TMEM201: variants seen among roughly 807,000 people sequenced by gnomAD.
TMEM201 encodes RP13-15M17.2.
A neutral mutation model predicts 63.4 loss-of-function variants in TMEM201; 26 were observed. The ratio of observed to expected loss-of-function variants is 0.41; its 90% confidence interval spans 0.30 to 0.57. The LOEUF is 0.57. Ranked by LOEUF, TMEM201 falls within the 20% of genes least tolerant of loss-of-function variation. TMEM201 has a pLI of 0.29. For synonymous variants in TMEM201, 417 were observed against 421.6 expected, an observed-to-expected ratio of 0.99 and a Z score of 0.14; for missense variants, 794 against 917.7, an observed-to-expected ratio of 0.87 and a Z score of 1.74.
rs1644305097 is a variant in TMEM201 at position 9,610,390 on chromosome 1, T to C, written c.1466-116T>C. The C allele has an allele frequency of 3.6e-6, 4 of 1,105,864 alleles. No individual in the cohort carries two copies. In the South Asian group the frequency reaches 6.6e-5, roughly 18 times the overall value. 68.5% of individuals were successfully genotyped at this position (1,105,864 alleles called of 1,614,324 possible). The stretch of plus-strand genomic sequence containing the variant: ...AGGACTTCCCCCTGTCCCCAGTCTC[T>C]GCACCTTTCCTGTCTTCCCGGGTTA... On this transcript the variant is annotated intron_variant, in intron 8 of 10. Coordinates refer to ENST00000340381, the MANE Select transcript of TMEM201 (RefSeq NM_001130924.3). This position sits in a 1 kb window ranked among gnomAD's most constrained non-coding sequence, Gnocchi z 4.9.
intron 7 of TMEM201, 38 bp from the exon 8 acceptor site, chr1:9,609,802 A>G: frequency 6.5e-7 from 1 of 1,542,188 alleles, no homozygotes; most frequent in Non-Finnish European, 8.8e-7. Flanking sequence ...CACGTCATCC[A>G]CAGGCCTGAC....
chr1:9,604,596 G>A lies in TMEM201; in HGVS notation c.1160+2324G>A. 1.0e-6 allele frequency: 1 copy of A among 985,466 alleles called. No individual in the cohort carries two copies. Among genetic ancestry groups the A allele is most frequent in the Non-Finnish European group, 1.2e-6 (1 of 829,924 alleles). The allele number at this position is 985,466 out of a possible 1,614,324, so 61.0% of individuals were successfully genotyped here. On this transcript the variant is annotated intron_variant, in intron 6 of 10. Transcript: ENST00000340381. The surrounding 1 kb of genome is among the most constrained non-coding windows in gnomAD (Gnocchi z 4.1). ...TGGCCATCAGACCTTCTAGGGTCTG[G>A]CTGGGGTCATCCTAGGTATGGGTGA...
In TMEM201 at chr1:9,614,228, TG is replaced by T. The variant is rs1425568041; in HGVS notation, c.*1149del. On this transcript the variant is annotated 3_prime_UTR_variant, in exon 11 of 11. Transcript: ENST00000340381. Reference sequence around the variant, plus strand: ...TCTCGGTGGATTCTGAGACTCACTGTGGGGCGGGAAGAAGGGTCTTCACTCT... The same window carrying T: ...TCTCGGTGGATTCTGAGACTCACTGTGGGCGGGAAGAAGGGTCTTCACTCT... 3 of 151,260 alleles carry T rather than the reference TG, an allele frequency of 2.0e-5. No homozygotes were observed. The East Asian group carries it at 5.9e-4, about 30-fold the overall frequency. 9.4% of individuals were successfully genotyped at this position (151,260 alleles called of 1,614,324 possible).
rs1644201364 is a variant in TMEM201, at chr1:9,604,185, C to T, written c.1160+1913C>T. ...AGTGTTGACAGTGTGATGCTAATGT[C>T]TGCTTTTCTTGGCGTTGGGTAGAAG... On this transcript the variant is annotated intron_variant, in intron 6 of 10. Transcript: ENST00000340381. The surrounding 1 kb of genome is among the most constrained non-coding windows in gnomAD (Gnocchi z 4.1). 6 of 985,450 alleles carry T rather than the reference C, an allele frequency of 6.1e-6. No individual in the cohort carries two copies. In the South Asian group the frequency reaches 2.3e-4, roughly 39 times the overall value. 61.0% of individuals were successfully genotyped at this position (985,450 alleles called of 1,614,324 possible).
intron 10 of TMEM201, among the ~76,000 whole-genome samples, chr1:9,612,497 G>A (rs1569968050): frequency 6.6e-6 from 1 of 152,218 alleles, no homozygotes; most frequent in Non-Finnish European, 1.5e-5. Flanking sequence ...GGCTTTTCCT[G>A]GGCAGGTCAT....
intron 8 of TMEM201, 51 bp downstream of exon 8, chr1:9,609,962 C>A: frequency 6.6e-7 from 1 of 1,514,230 alleles, no homozygotes; most frequent in South Asian, 1.2e-5. Flanking sequence ...GAAGCCCGGG[C>A]GTTCCAGAGC....
intron 10 of TMEM201, among the ~76,000 whole-genome samples, chr1:9,612,412 T>C (rs565053406): frequency 1.3e-5 from 2 of 152,254 alleles, no homozygotes; most frequent in East Asian, 3.9e-4. Context: ...AGACCAGATC[T>C]GTGGTACACA....
In TMEM201 at chr1:9,609,980, T is replaced by C. The variant is rs1034271285; in HGVS notation, c.1465+69T>C. ...GCCCGGGCGTTCCAGAGCATGGTGG[T>C]TTGTGTGAGCTTTGGGGTCAGACAG... On this transcript the variant is annotated intron_variant, in intron 8 of 10. Coordinates refer to ENST00000340381, the MANE Select transcript of TMEM201 (RefSeq NM_001130924.3). 4.1e-6 allele frequency: 6 copies of C among 1,472,344 alleles called. No homozygotes were observed. In the African/African-American group the frequency reaches 7.0e-5, roughly 17 times the overall value. The allele number at this position is 1,472,344 out of a possible 1,614,324, so 91.2% of individuals were successfully genotyped here.
chr1:9,595,576 C>A (rs962280730), intron 1 of TMEM201, among the ~76,000 whole-genome samples: 2 of 152,046 alleles, frequency 1.3e-5, no homozygotes, highest in South Asian at 4.1e-4. Context: ...GGTCCCCGTG[C>A]GGCCGCACTG....
rs1557563509 is a variant in TMEM201 at position 9,610,824 on chromosome 1, C to T, written c.1765+19C>T. The T allele has an allele frequency of 2.0e-6, 3 of 1,520,008 alleles. No individual in the cohort carries two copies. Among genetic ancestry groups the T allele is most frequent in the Non-Finnish European group, 2.7e-6 (3 of 1,128,480 alleles). The allele number at this position is 1,520,008 out of a possible 1,614,324, so 94.2% of individuals were successfully genotyped here. On this transcript the variant is annotated intron_variant, in intron 9 of 10. Coordinates refer to ENST00000340381, the MANE Select transcript of TMEM201 (RefSeq NM_001130924.3). The surrounding 1 kb of genome is among the most constrained non-coding windows in gnomAD (Gnocchi z 4.9). ...GCCCTGGGTACGGCCTTCTGACCAC[C>T]CCAAGGGGCCGTGGGAGGGCCTCTG...
chr1:9,613,154 C>A lies in TMEM201; in HGVS notation c.*71C>A. On this transcript the variant is annotated 3_prime_UTR_variant, in exon 11 of 11. Transcript: ENST00000340381. ...CTTCACCACTGCCGGCCTCAGGACC[C>A]TCCCTGGAGGGGCTGCCACCTCTGC... is the stretch of plus-strand genomic sequence containing the variant. The A allele has an allele frequency of 6.8e-7, 1 of 1,467,884 alleles. No individual in the cohort carries two copies. Among genetic ancestry groups the A allele is most frequent in the Non-Finnish European group, 9.3e-7 (1 of 1,081,000 alleles). The allele number at this position is 1,467,884 out of a possible 1,614,324, so 90.9% of individuals were successfully genotyped here.
At chr1:9,594,108 C>G (rs1482843201) in intron 1 of TMEM201, among the ~76,000 whole-genome samples, 1 of 152,246 alleles carries the variant, frequency 6.6e-6, no homozygotes, top group Non-Finnish European at 1.5e-5. Context: ...TCACAGTGGC[C>G]TCTCCTGGGG....
Position 9,598,586 on chromosome 1 carries a change from C to T in TMEM201, c.567C>T (p.His189=). 1.9e-6 allele frequency: 3 copies of T among 1,613,496 alleles called. No individual in the cohort carries two copies. Among genetic ancestry groups the T allele is most frequent in the Non-Finnish European group, 2.5e-6 (3 of 1,179,988 alleles). ...NRQLRALLLS[H]QFKRREADQT... ...AGCTGCGCGCCCTGTTGCTCAGCCA[C>T]CAGTTCAAGCGCCGGGAGGCCGACC... The change falls in exon 4 of 11, where the codon CAC becomes CAT. Residue 189 remains histidine, a synonymous_variant. Transcript: ENST00000340381.
rs1261554345 is a variant in TMEM201, at chr1:9,605,022, T to TG, written c.1161-2532dup. 3.0e-6 allele frequency: 3 copies of TG among 985,502 alleles called. No homozygotes were observed. The African/African-American group carries it at 5.2e-5, about 17-fold the overall frequency. 61.0% of individuals were successfully genotyped at this position (985,502 alleles called of 1,614,324 possible). A position where few individuals can be genotyped will look rare whatever the true frequency, so the allele number is the denominator to read the frequency against. The stretch of plus-strand genomic sequence containing the variant: ...GAAGGGCTCTGTGCCAGGGCTGGGG[T>TG]GGGCAGCTGTGTTTGGGGTACAGAC... On this transcript the variant is annotated intron_variant, in intron 6 of 10. Coordinates refer to ENST00000340381, the MANE Select transcript of TMEM201 (RefSeq NM_001130924.3). This position sits in a 1 kb window ranked among gnomAD's most constrained non-coding sequence, Gnocchi z 5.7.
Position 9,598,553 on chromosome 1 carries a change from G to T in TMEM201, c.534G>T (p.Gln178His). ...QAAVEYYIKH[Q>H]NRQLRALLLS... ...CTGTGGAGTACTACATCAAGCACCA[G>T]AACCGCCAGCTGCGCGCCCTGTTGC... The change falls in exon 4 of 11, where the codon CAG becomes CAT. Residue 178 changes from glutamine to histidine, a missense_variant. Transcript: ENST00000340381. 6.2e-7 allele frequency: 1 copy of T among 1,613,758 alleles called. No individual in the cohort carries two copies. The highest frequency in any genetic ancestry group is 8.5e-7 in the Non-Finnish European group (1 of 1,180,026).
At chr1:9,597,306 G>A (rs1644044141) in intron 3 of TMEM201, among the ~76,000 whole-genome samples, 1 of 152,232 alleles carries the variant, frequency 6.6e-6, no homozygotes, top group Non-Finnish European at 1.5e-5. Context: ...CACTGCTATC[G>A]GGGTTCCAAG....
In TMEM201 at chr1:9,607,511, C is replaced by T. The variant is rs749847747; in HGVS notation, c.1161-46C>T. The T allele has an allele frequency of 1.4e-5, 20 of 1,473,082 alleles. No homozygotes were observed. The highest frequency in any genetic ancestry group is 1.8e-5 in the Non-Finnish European group (20 of 1,091,988). 91.3% of individuals were successfully genotyped at this position (1,473,082 alleles called of 1,614,324 possible). A position where few individuals can be genotyped will look rare whatever the true frequency, so the allele number is the denominator to read the frequency against. On this transcript the variant is annotated intron_variant, in intron 6 of 10. Coordinates refer to ENST00000340381, the MANE Select transcript of TMEM201 (RefSeq NM_001130924.3). The surrounding 1 kb of genome is among the most constrained non-coding windows in gnomAD (Gnocchi z 5.4). ...CCCACTGCAAGGCTGCCTCCAGGAC[C>T]TCCCGCTGACCCTCTTCTTGTCCCG...
intron 10 of TMEM201, 55 bp from the exon 11 acceptor site, chr1:9,612,931 T>C (rs1644344311): frequency 6.7e-7 from 1 of 1,486,976 alleles, no homozygotes; most frequent in Non-Finnish European, 9.2e-7. Flanking sequence ...GCTGCTCAGC[T>C]GCACAGCGAA....
At chr1:9,609,984 T>C in intron 8 of TMEM201, 73 bp downstream of exon 8, 1 of 1,456,598 alleles carries the variant, frequency 6.9e-7, no homozygotes, top group South Asian at 1.2e-5. Flanking sequence ...TGGTGGTTTG[T>C]GTGAGCTTTG....
Sources: gnomAD v4.1 joint callset for allele counts (sites outside exome capture counted in the v4.1 genomes callset) on GRCh38, gnomAD v4.1.1 for gene constraint, Gnocchi (gnomAD v3.1) non-coding constraint, MANE v1.5 for transcripts, NCBI Gene and HGNC (gene_info 2026-07-23, HGNC 2026-07-21) for gene names.